The following AK3 variants were observed in gnomAD, a reference collection of about 807,000 sequenced individuals.
AK3 encodes GTP:AMP phosphotransferase AK3, mitochondrial.
Under a neutral mutation model 23.7 loss-of-function variants are expected in AK3, and 27 were observed. That is an observed-to-expected ratio of 1.14 (90% CI 0.84 to 1.57). AK3 has a LOEUF of 1.57. AK3 is among the 40% of genes most tolerant of loss of function. The probability of loss-of-function intolerance (pLI) is 0.00; values close to 1 mark genes in which losing one functional copy is unlikely to be tolerated. For synonymous variants in AK3, 159 were observed against 116.0 expected (o/e 1.37, Z -2.38); for missense variants, 406 against 285.6 (o/e 1.42, Z -3.04).
rs1266508005 is a variant in AK3, at chr9:4,736,193, T to C, written c.151+4744A>G. Among the ~76,000 whole-genome samples the C allele has an allele frequency of 5.9e-5, 9 of 152,122 alleles. No individual in the cohort carries two copies. The South Asian group carries it at 8.3e-4, about 14-fold the overall frequency. Reference sequence around the variant, plus strand: ...ATATATTAAAGTCCACTGAGTTTTATACTTTAAATGGATACATTATATGGT... The same window carrying C: ...ATATATTAAAGTCCACTGAGTTTTACACTTTAAATGGATACATTATATGGT... On this transcript the variant is annotated intron_variant, in intron 1 of 4. Coordinates refer to ENST00000381809, the MANE Select transcript of AK3 (RefSeq NM_016282.4).
intron 1 of AK3, among the ~76,000 whole-genome samples, chr9:4,731,188 G>C (rs1173206243): frequency 6.6e-6 from 1 of 152,152 alleles, no homozygotes; most frequent in South Asian, 2.1e-4. Context: ...TGTGTCATGG[G>C]GGTTTGTTGT....
chr9:4,711,093 A>T lies in AK3; in HGVS notation c.*1883T>A, dbSNP rs1449550547. 1 of 152,204 alleles carries T rather than the reference A, an allele frequency of 6.6e-6. No individual in the cohort carries two copies. Among genetic ancestry groups the T allele is most frequent in the South Asian group, 2.1e-4 (1 of 4,822 alleles). 9.4% of individuals were successfully genotyped at this position (152,204 alleles called of 1,614,324 possible). ...GATTTCCAAATCCCCTAAGGGTATT[A>T]TGAAGGCCGGTATGGCTACCATAGC... On this transcript the variant is annotated 3_prime_UTR_variant, in exon 5 of 5. Transcript: ENST00000381809.
chr9:4,724,003 A>G (rs1368981641), intron 1 of AK3, among the ~76,000 whole-genome samples: 1 of 152,196 alleles, frequency 6.6e-6, no homozygotes, highest in African/African-American at 2.4e-5. Context: ...TTAGATTTTT[A>G]ACCAAGAACA....
intron 2 of AK3, 103 bp from the exon 3 acceptor site, chr9:4,719,410 T>G: frequency 9.9e-7 from 1 of 1,013,162 alleles, no homozygotes. Context: ...GAATTAATGT[T>G]GGACAATCTG....
intron 1 of AK3, among the ~76,000 whole-genome samples, chr9:4,728,848 T>TACACACACAC (rs1305610708): frequency 2.3e-4 from 6 of 26,312 alleles, no homozygotes; most frequent in African/African-American, 4.5e-4. Flanking sequence ...TATATATATA[T>TACACACACAC]ATATATATAT....
At chr9:4,720,206 C>G (rs1180941684) in intron 2 of AK3, among the ~76,000 whole-genome samples, 1 of 152,116 alleles carries the variant, frequency 6.6e-6, no homozygotes, top group East Asian at 1.9e-4. Flanking sequence ...CAATGTGGTT[C>G]AAAAACAGAG....
At chr9:4,721,356 T>G (rs1468087653) in intron 2 of AK3, among the ~76,000 whole-genome samples, 1 of 149,198 alleles carries the variant, frequency 6.7e-6, no homozygotes, top group African/African-American at 2.5e-5. Context: ...TGAGAGGAGA[T>G]CGCACCATCA....
intron 1 of AK3, among the ~76,000 whole-genome samples, chr9:4,725,698 T>G (rs1434211564): frequency 6.6e-6 from 1 of 152,210 alleles, no homozygotes; most frequent in Non-Finnish European, 1.5e-5. Context: ...AAGGAATTTG[T>G]ATCTAGAATA....
At chr9:4,738,450 G>T (rs779153955) in intron 1 of AK3, among the ~76,000 whole-genome samples, 14 of 152,174 alleles carry the variant, frequency 9.2e-5, no homozygotes, top group Non-Finnish European at 1.9e-4. Flanking sequence ...ACAGGCGTGA[G>T]ACACCCCGCC....
chr9:4,722,044 GA>G (rs1436158380), intron 2 of AK3, among the ~76,000 whole-genome samples: 2 of 152,202 alleles, frequency 1.3e-5, no homozygotes, highest in South Asian at 4.1e-4. Flanking sequence ...TCTTCTTGAA[GA>G]AAAGGCTTAT....
At chr9:4,734,712 T>C (rs934252960) in intron 1 of AK3, among the ~76,000 whole-genome samples, 5 of 152,222 alleles carry the variant, frequency 3.3e-5, no homozygotes, top group Non-Finnish European at 5.9e-5. Flanking sequence ...CAAACTATGG[T>C]ACACCCATAA....
In AK3 at chr9:4,719,228, G is replaced by C; in HGVS notation, c.351C>G (p.Pro117=). 1.9e-6 allele frequency: 3 copies of C among 1,612,022 alleles called. No individual in the cohort carries two copies. The highest frequency in any genetic ancestry group is 2.5e-6 in the Non-Finnish European group (3 of 1,179,814). The part of the protein sequence containing the change: ...QIDTVINLNV[P]FEVIKQRLTA... ...TAAGGCGTTGTTTAATGACCTCAAAGGGCACATTCAGGTTAATCACTGTGT... is the reference window on the plus strand; with the variant it reads ...TAAGGCGTTGTTTAATGACCTCAAACGGCACATTCAGGTTAATCACTGTGT... Residue 117 remains proline (P), a synonymous_variant, in exon 3 of 5, where the codon CCC becomes CCG. Coordinates refer to ENST00000381809, the MANE Select transcript of AK3 (RefSeq NM_016282.4).
chr9:4,735,494 T>G (rs1842270371), intron 1 of AK3, among the ~76,000 whole-genome samples: 5 of 105,688 alleles, frequency 4.7e-5, no homozygotes, highest in African/African-American at 1.9e-4. Flanking sequence ...TTTTTTTTTT[T>G]GGAAACAGAG....
chr9:4,724,858 G>A (rs558428243), intron 1 of AK3, among the ~76,000 whole-genome samples: 1 of 151,928 alleles, frequency 6.6e-6, no homozygotes, highest in East Asian at 1.9e-4. Context: ...TTTTTAATAG[G>A]ATGCCAAAAT....
intron 1 of AK3, among the ~76,000 whole-genome samples, chr9:4,732,868 CTCTTT>C (rs1338597789): frequency 1.1e-4 from 12 of 111,716 alleles, no homozygotes; most frequent in Non-Finnish European, 2.0e-4. Flanking sequence ...CTCTCTCTCT[CTCTTT>C]TTTTTTTTTT....
At chr9:4,725,019 C>CTTTT (rs1491310710) in intron 1 of AK3, among the ~76,000 whole-genome samples, 2 of 53,302 alleles carry the variant, frequency 3.8e-5, no homozygotes, top group Non-Finnish European at 1.1e-4. Context: ...AGCTACTAAA[C>CTTTT]TCTTTTTTTT....
At chr9:4,731,083 T>C (rs78283826) in intron 1 of AK3, among the ~76,000 whole-genome samples, 1,966 of 152,332 alleles carry the variant, frequency 0.013, 41 homozygotes, top group African/African-American at 0.044. Context: ...CTTTCTCAAA[T>C]GTAAAGTGTT....
intron 2 of AK3, among the ~76,000 whole-genome samples, chr9:4,722,182 G>T (rs1367848169): frequency 6.6e-6 from 1 of 152,160 alleles, no homozygotes; most frequent in African/African-American, 2.4e-5. Flanking sequence ...CTCCTGGCTA[G>T]GGAAAGTTTA....
At chr9:4,739,172 T>C (rs981211564) in intron 1 of AK3, among the ~76,000 whole-genome samples, 1 of 152,072 alleles carries the variant, frequency 6.6e-6, no homozygotes, top group Non-Finnish European at 1.5e-5. Context: ...TAACAACATT[T>C]AGCAAGCAAG....
Sources: allele counts gnomAD v4.1 joint callset (sites outside exome capture counted in the v4.1 genomes callset), GRCh38; gene constraint gnomAD v4.1.1; transcripts MANE v1.5; gene names NCBI Gene and HGNC (gene_info 2026-07-23, HGNC 2026-07-21).